CFAP54: variants seen among roughly 807,000 people sequenced by gnomAD.
CFAP54 encodes cilia and flagella associated protein 54.
Under a neutral mutation model 370.4 loss-of-function variants are expected in CFAP54, and 290 were observed. The observed-to-expected ratio is 0.78, with a 90% confidence interval of 0.71 to 0.86. The LOEUF is 0.86. Ranked by LOEUF, CFAP54 falls within the 40% of genes least tolerant of loss-of-function variation. The probability of loss-of-function intolerance (pLI) is 0.00; values close to 1 mark genes in which losing one functional copy is unlikely to be tolerated. For synonymous variants in CFAP54, 1,206 were observed against 1,236.5 expected (o/e 0.98, Z 0.52); for missense variants, 3,399 against 3,528.7 (o/e 0.96, Z 0.93).
At chr12:96,639,971 C>T (rs909965717) in intron 32 of CFAP54, among the ~76,000 whole-genome samples, 1 of 152,114 alleles carries the variant, frequency 6.6e-6, no homozygotes, top group Non-Finnish European at 1.5e-5. Context: ...CAGCCAATAT[C>T]ATACTGAATG....
intron 9 of CFAP54, among the ~76,000 whole-genome samples, chr12:96,529,457 A>G (rs1359580282): frequency 6.6e-6 from 1 of 152,036 alleles, no homozygotes; most frequent in Non-Finnish European, 1.5e-5. Flanking sequence ...GGTTTTTTTT[A>G]GTTTGCACAC....
chr12:96,840,758 G>A (rs1592802356), intron 66 of CFAP54, among the ~76,000 whole-genome samples: 1 of 151,692 alleles, frequency 6.6e-6, no homozygotes, highest in South Asian at 2.1e-4. Flanking sequence ...AAGTTCATGA[G>A]ACATCCACTT....
chr12:96,811,245 A>G lies in CFAP54; in HGVS notation c.8851-491A>G, dbSNP rs545257396. Among the ~76,000 whole-genome samples the G allele has an allele frequency of 1.1e-4, 17 of 152,324 alleles. 1 individual carries two copies. Among genetic ancestry groups the G allele is most frequent in the African/African-American group, 3.8e-4 (16 of 41,576 alleles). On this transcript the variant is annotated intron_variant, in intron 63 of 67. Transcript: ENST00000524981. ...GAATCCAAACAACAGGGAAATTACT[A>G]GAGCATGAATCATCAAGGGACGTTT...
chr12:96,836,320 T>A (rs1382970855), intron 66 of CFAP54, among the ~76,000 whole-genome samples: 1 of 152,150 alleles, frequency 6.6e-6, no homozygotes, highest in Non-Finnish European at 1.5e-5. Flanking sequence ...AGGGAAAACA[T>A]AAGGATTGAG....
At chr12:96,761,467 A>C (rs990294724) in intron 58 of CFAP54, among the ~76,000 whole-genome samples, 9 of 152,056 alleles carry the variant, frequency 5.9e-5, no homozygotes, top group African/African-American at 1.9e-4. Context: ...GGAGGCACAA[A>C]GTTTTTAAAT....
At chr12:96,760,265 A>G (rs1958319442) in intron 58 of CFAP54, among the ~76,000 whole-genome samples, 1 of 152,164 alleles carries the variant, frequency 6.6e-6, no homozygotes, top group Admixed American at 6.5e-5. Context: ...CAGCATGCAT[A>G]CATTTAAAAA....
At chr12:96,629,066 A>G (rs1230993067) in intron 30 of CFAP54, among the ~76,000 whole-genome samples, 1 of 152,166 alleles carries the variant, frequency 6.6e-6, no homozygotes, top group Non-Finnish European at 1.5e-5. Flanking sequence ...CTTGCAAAAG[A>G]TGGAACCAAA....
chr12:96,536,726 A>G (rs1215761375), intron 12 of CFAP54, among the ~76,000 whole-genome samples: 1 of 148,380 alleles, frequency 6.7e-6, no homozygotes, highest in Non-Finnish European at 1.5e-5. Context: ...TCCCAGTTTC[A>G]AGTGATTCTC....
chr12:96,820,383 T>C (rs769231863), intron 65 of CFAP54, among the ~76,000 whole-genome samples: 3 of 152,206 alleles, frequency 2.0e-5, no homozygotes, highest in Non-Finnish European at 4.4e-5. Context: ...ACTTTCCTGA[T>C]ATTTAGAAGG....
chr12:96,506,652 T>C lies in CFAP54; in HGVS notation c.568-276T>C, dbSNP rs1393068716. Among the ~76,000 whole-genome samples, 20 of 150,198 alleles carry C rather than the reference T, an allele frequency of 1.3e-4. 1 individual carries two copies. In the Admixed American group the frequency reaches 1.3e-3, roughly 10 times the overall value. Reference sequence around the variant, plus strand: ...CCCAGGCTGGAATGCAGTGGCACGATCTTGGCTCACTGCAACCTCTGCCTC... The same window carrying C: ...CCCAGGCTGGAATGCAGTGGCACGACCTTGGCTCACTGCAACCTCTGCCTC... On this transcript the variant is annotated intron_variant, in intron 3 of 67. Coordinates refer to ENST00000524981, the MANE Select transcript of CFAP54 (RefSeq NM_001306084.2).
chr12:96,580,599 C>G lies in CFAP54; in HGVS notation c.2799C>G (p.Val933=), dbSNP rs2136425201. Residue 933 remains valine (V), a splice_region_variant and synonymous_variant, in exon 21 of 68, where the codon GTC becomes GTG. Coordinates refer to ENST00000524981, the MANE Select transcript of CFAP54 (RefSeq NM_001306084.2). Reference sequence around the variant, plus strand: ...AGGCTCATTTTTCTCGTCGGCAGGTCTCCTGGTACTGCATTTTGGGTTGCA... The same window carrying G: ...AGGCTCATTTTTCTCGTCGGCAGGTGTCCTGGTACTGCATTTTGGGTTGCA... ...KPAPFTSEVK[V]SWYCILGCKA... is the part of the protein sequence containing the mutation. The G allele has an allele frequency of 2.0e-6, 3 of 1,507,266 alleles. No homozygotes were observed. The highest frequency in any genetic ancestry group is 1.8e-6 in the Non-Finnish European group (2 of 1,132,840). The allele number at this position is 1,507,266 out of a possible 1,614,324, so 93.4% of individuals were successfully genotyped here.
chr12:96,871,502 A>T (rs963858624), intron 67 of CFAP54, among the ~76,000 whole-genome samples: 2 of 152,250 alleles, frequency 1.3e-5, no homozygotes, highest in Non-Finnish European at 2.9e-5. Context: ...TACAGTAAAT[A>T]ATTAAAAATT....
intron 34 of CFAP54, among the ~76,000 whole-genome samples, chr12:96,648,367 T>G (rs550729557): frequency 1.3e-5 from 2 of 152,210 alleles, no homozygotes; most frequent in African/African-American, 2.4e-5. Context: ...TTAGTGCAAA[T>G]AAGTTCCCAA....
chr12:96,630,592 A>G lies in CFAP54; in HGVS notation c.4257A>G (p.Glu1419=). The part of the protein sequence containing the change: ...MQQRIRSKKK[E]TLRDFIFKNP... ...AAAGAATAAGAAGTAAAAAAAAGGA[A>G]ACTCTAAGAGATTTCATTTTTAAAA... Residue 1419 remains glutamate (E), a synonymous_variant, in exon 32 of 68, where the codon GAA becomes GAG. Coordinates refer to ENST00000524981, the MANE Select transcript of CFAP54 (RefSeq NM_001306084.2). The G allele has an allele frequency of 6.6e-7, 1 of 1,504,500 alleles. No homozygotes were observed. The highest frequency in any genetic ancestry group is 1.3e-5 in the South Asian group (1 of 77,580). 93.2% of individuals were successfully genotyped at this position (1,504,500 alleles called of 1,614,324 possible). A position where few individuals can be genotyped will look rare whatever the true frequency, so the allele number is the denominator to read the frequency against.
chr12:96,574,651 A>T (rs1361278626), intron 19 of CFAP54, among the ~76,000 whole-genome samples: 1 of 152,106 alleles, frequency 6.6e-6, no homozygotes, highest in African/African-American at 2.4e-5. Context: ...TAATTTATGG[A>T]TATATTAAAT....
At chr12:96,779,107 CAA>C (rs35990040) in intron 60 of CFAP54, among the ~76,000 whole-genome samples, 19,484 of 103,456 alleles carry the variant, frequency 0.19, 1,489 homozygotes, top group Middle Eastern at 0.29. Flanking sequence ...ATCTCCATCT[CAA>C]AAAAAAAAAA....
intron 43 of CFAP54, among the ~76,000 whole-genome samples, chr12:96,689,245 C>G (rs555924173): frequency 2.0e-5 from 3 of 152,028 alleles, no homozygotes; most frequent in Non-Finnish European, 4.4e-5. Context: ...ACTGTGACCT[C>G]TGCCTCCCGG....
intron 1 of CFAP54, among the ~76,000 whole-genome samples, chr12:96,494,060 A>G (rs903824653): frequency 6.6e-6 from 1 of 152,106 alleles, no homozygotes; most frequent in South Asian, 2.1e-4. Context: ...GACACCTGGG[A>G]TTTGACTAGC....
Position 96,554,710 on chromosome 12 carries a change from C to T in CFAP54, c.2318C>T (p.Pro773Leu). The stretch of plus-strand genomic sequence containing the variant: ...CATATAGATGGAGATACTTACAAAC[C>T]ACTTGCCTCAAATAGTTTCATGATG... ...THHIDGDTYK[P>L]LASNSFMMDL... The change falls in exon 17 of 68, where the codon CCA becomes CTA. Residue 773 changes from proline (P) to leucine (L), a missense_variant. Physicochemically the swap from Pro to Leu is moderately conservative, Grantham distance 98. Around this residue, in one of 3 missense-constraint regions of CFAP54, gnomAD observed 2,796 missense variants for 2,869.7 expected, o/e 0.97. Coordinates refer to ENST00000524981, the MANE Select transcript of CFAP54 (RefSeq NM_001306084.2). 2 of 1,534,736 alleles carry T rather than the reference C, an allele frequency of 1.3e-6. No individual in the cohort carries two copies. The highest frequency in any genetic ancestry group is 1.7e-6 in the Non-Finnish European group (2 of 1,145,984).
Sources: allele counts gnomAD v4.1 joint callset (sites outside exome capture counted in the v4.1 genomes callset), GRCh38; gene constraint gnomAD v4.1.1; regional missense constraint gnomAD v4.1.1; transcripts MANE v1.5; gene names NCBI Gene and HGNC (gene_info 2026-07-23, HGNC 2026-07-21).